HS6ST1: variants seen among roughly 807,000 people sequenced by gnomAD.
HS6ST1 encodes the protein heparan sulfate 6-O-sulfotransferase 1.
In HS6ST1, 3 loss-of-function variants were observed where a neutral mutation model predicts 25.2. The ratio of observed to expected loss-of-function variants is 0.12; its 90% CI spans 0.05 to 0.31. HS6ST1 has a LOEUF of 0.31. Ranked by LOEUF, HS6ST1 falls within the 10% of genes least tolerant of loss-of-function variation. The probability of loss-of-function intolerance (pLI) is 1.00; values close to 1 mark genes in which losing one functional copy is unlikely to be tolerated. For missense variants in HS6ST1, 310 were observed against 609.6 expected (o/e 0.51, Z 5.18); for synonymous variants, 204 against 275.1 (o/e 0.74, Z 2.56).
intron 1 of HS6ST1, among the ~76,000 whole-genome samples, chr2:128,302,805 G>T (rs1033642767): frequency 6.6e-6 from 1 of 152,262 alleles, no homozygotes; most frequent in Non-Finnish European, 1.5e-5. Flanking sequence ...CTTCCGCAAC[G>T]GCCCCCATCT....
chr2:128,303,190 A>C (rs1161946859), intron 1 of HS6ST1, among the ~76,000 whole-genome samples: 2 of 152,230 alleles, frequency 1.3e-5, no homozygotes, highest in Admixed American at 1.3e-4. Context: ...CGTTCTCTGA[A>C]AGGATGCCCC....
At chr2:128,291,939 C>T (rs912161231) in intron 1 of HS6ST1, among the ~76,000 whole-genome samples, 2 of 152,204 alleles carry the variant, frequency 1.3e-5, no homozygotes, top group Non-Finnish European at 2.9e-5. Flanking sequence ...TGACAGGCTC[C>T]TCTGAATGCA....
intron 1 of HS6ST1, among the ~76,000 whole-genome samples, chr2:128,310,806 A>G (rs1485397159): frequency 6.6e-6 from 1 of 152,174 alleles, no homozygotes; most frequent in Non-Finnish European, 1.5e-5. Flanking sequence ...ATGCCCTATC[A>G]GGAAAGGGGC....
intron 1 of HS6ST1, 122 bp downstream of exon 1, chr2:128,317,914 TG>T: frequency 8.4e-7 from 1 of 1,187,154 alleles, no homozygotes; most frequent in Non-Finnish European, 1.1e-6. Flanking sequence ...TGCCGGCGAG[TG>T]GGGGCCCCCA....
At chr2:128,317,518 G>A (rs1694390644) in intron 1 of HS6ST1, among the ~76,000 whole-genome samples, 2 of 152,234 alleles carry the variant, frequency 1.3e-5, no homozygotes, top group African/African-American at 2.4e-5. Context: ...CAGGCGGGCA[G>A]AGCCAGCCCC....
chr2:128,312,862 C>T (rs950485038), intron 1 of HS6ST1, among the ~76,000 whole-genome samples: 1 of 152,162 alleles, frequency 6.6e-6, no homozygotes, highest in Non-Finnish European at 1.5e-5. Flanking sequence ...GAGTTCGAGA[C>T]TAGCCTGGCC....
Position 128,318,041 on chromosome 2 carries a change from G to T in HS6ST1, c.523C>A (p.Pro175Thr). 6.6e-7 allele frequency: 1 copy of T among 1,514,588 alleles called. No homozygotes were observed. Among genetic ancestry groups the T allele is most frequent in the Non-Finnish European group, 8.8e-7 (1 of 1,138,094 alleles). 93.8% of individuals were successfully genotyped at this position (1,514,588 alleles called of 1,614,324 possible). ...DRRDSAALRT[P>T]RKFYYITLLR... ...TCCCGCCGCCCGGGCGCTCACCTGG[G>T]CGTGCGCAGCGCGGCGGAGTCGCGG... is the stretch of plus-strand genomic sequence containing the variant. Residue 175 changes from proline to threonine, a missense_variant, in exon 1 of 2, where the codon CCC becomes ACC. Around this residue, in one of 5 missense-constraint regions of HS6ST1, gnomAD observed 98 missense variants for 270.3 expected, o/e 0.36. Coordinates refer to ENST00000259241, the MANE Select transcript of HS6ST1 (RefSeq NM_004807.3). The surrounding 1 kb of genome is among the most constrained non-coding windows in gnomAD (Gnocchi z 5.7).
chr2:128,303,476 C>T (rs535100730), intron 1 of HS6ST1, among the ~76,000 whole-genome samples: 9 of 152,208 alleles, frequency 5.9e-5, no homozygotes, highest in Admixed American at 5.2e-4. Context: ...GTACCTAAAA[C>T]GTAGTTTCCA....
chr2:128,273,516 C>T (rs1320651553), intron 1 of HS6ST1, among the ~76,000 whole-genome samples: 1 of 152,252 alleles, frequency 6.6e-6, no homozygotes, highest in East Asian at 1.9e-4. Context: ...CCTGGCACGC[C>T]CCTCCATAGC....
At chr2:128,298,158 A>T (rs1241627066) in intron 1 of HS6ST1, among the ~76,000 whole-genome samples, 1 of 152,044 alleles carries the variant, frequency 6.6e-6, no homozygotes, top group East Asian at 1.9e-4. Flanking sequence ...TATTATCAAA[A>T]AACAGGAAGA....
At chr2:128,314,807 C>T (rs1694337396) in intron 1 of HS6ST1, among the ~76,000 whole-genome samples, 1 of 152,232 alleles carries the variant, frequency 6.6e-6, no homozygotes, top group Non-Finnish European at 1.5e-5. Context: ...GCCCAGATGC[C>T]ACACTTGGGC....
chr2:128,317,938 G>C lies in HS6ST1; in HGVS notation c.527+99C>G, dbSNP rs565718202. 1.3e-3 allele frequency: 1,721 copies of C among 1,311,020 alleles called. 23 individuals carry two copies. The highest frequency in any genetic ancestry group is 2.8e-3 in the Admixed American group (68 of 24,368). 81.2% of individuals were successfully genotyped at this position (1,311,020 alleles called of 1,614,324 possible). On this transcript the variant is annotated intron_variant, in intron 1 of 1. Coordinates refer to ENST00000259241, the MANE Select transcript of HS6ST1 (RefSeq NM_004807.3). ...GTGGGGGCCCCCAAGAGGGCAGAAG[G>C]GGGTAGGGAAGGCAGGGCCGACCCA...
At chr2:128,298,576 A>G (rs1694075510) in intron 1 of HS6ST1, among the ~76,000 whole-genome samples, 1 of 152,236 alleles carries the variant, frequency 6.6e-6, no homozygotes, top group Non-Finnish European at 1.5e-5. Flanking sequence ...ACAGTATCAT[A>G]TAATTCCACT....
chr2:128,300,104 G>A (rs575227293), intron 1 of HS6ST1, among the ~76,000 whole-genome samples: 66 of 152,248 alleles, frequency 4.3e-4, no homozygotes, highest in African/African-American at 1.3e-3. Flanking sequence ...GGACCCCAGC[G>A]GCTTCCTCTG....
chr2:128,303,307 C>A (rs915487522), intron 1 of HS6ST1, among the ~76,000 whole-genome samples: 1 of 152,240 alleles, frequency 6.6e-6, no homozygotes. Flanking sequence ...CGGGGCCATG[C>A]AGAGGAGCTG....
At chr2:128,280,879 G>C (rs1168870468) in intron 1 of HS6ST1, among the ~76,000 whole-genome samples, 3 of 152,032 alleles carry the variant, frequency 2.0e-5, no homozygotes, top group Non-Finnish European at 4.4e-5. Context: ...GACACACACA[G>C]GGCAGGCAGA....
chr2:128,282,104 C>T (rs1161858440), intron 1 of HS6ST1, among the ~76,000 whole-genome samples: 1 of 152,240 alleles, frequency 6.6e-6, no homozygotes. Flanking sequence ...CCTGGCAATG[C>T]TGCTCAGGAC....
chr2:128,300,505 A>G (rs1257036436), intron 1 of HS6ST1, among the ~76,000 whole-genome samples: 1 of 152,196 alleles, frequency 6.6e-6, no homozygotes, highest in Non-Finnish European at 1.5e-5. Context: ...GCACGGGGGT[A>G]TCTCTGGGTT....
intron 1 of HS6ST1, among the ~76,000 whole-genome samples, chr2:128,301,424 C>G (rs72969077): frequency 0.084 from 12,775 of 152,182 alleles, 1,805 homozygotes; most frequent in African/African-American, 0.29. Flanking sequence ...AGCATCTCCT[C>G]TAATATCCTG....
Sources: allele counts gnomAD v4.1 joint callset (sites outside exome capture counted in the v4.1 genomes callset), GRCh38; gene constraint gnomAD v4.1.1; regional missense constraint gnomAD v4.1.1; non-coding constraint Gnocchi (gnomAD v3.1); transcripts MANE v1.5; gene names NCBI Gene and HGNC (gene_info 2026-07-23, HGNC 2026-07-21).